The following HAND1 variants were observed in gnomAD, a reference collection of about 807,000 sequenced individuals.
The protein encoded by HAND1 is heart- and neural crest derivatives-expressed protein 1.
In HAND1, 10 loss-of-function variants were observed where a neutral mutation model predicts 14.5. That is an observed-to-expected ratio of 0.69 (90% CI 0.42 to 1.17). The LOEUF (loss-of-function observed/expected upper bound fraction) is 1.17. Among genes scored for constraint, HAND1 ranks in the 50% most tolerant of loss-of-function variants. The pLI, the probability that HAND1 is intolerant of heterozygous loss-of-function variation, is 0.00. For synonymous variants in HAND1, 128 were observed against 127.1 expected, an observed-to-expected ratio of 1.01 and a Z score of -0.05; for missense variants, 299 against 298.4, an observed-to-expected ratio of 1.00 and a Z score of -0.01.
intron 1 of HAND1, 75 bp downstream of exon 1, chr5:154,477,391 T>C: frequency 8.5e-7 from 1 of 1,183,114 alleles, no homozygotes; most frequent in Middle Eastern, 1.9e-4. Context: ...ACAGCCTCCT[T>C]CGACTACCTG....
Position 154,477,946 on chromosome 5 carries a change from G to T in HAND1, c.63C>A (p.Pro21=). The change falls in exon 1 of 2, where the codon CCC becomes CCA. Residue 21 remains proline (P), a synonymous_variant. Transcript: ENST00000231121. Reference sequence around the variant, plus strand: ...CGAAGAGGAAGGGTTCGTGGAGCATGGGGTGCGCAGGGTGCGGGTGGTGAT... The same window carrying T: ...CGAAGAGGAAGGGTTCGTGGAGCATTGGGTGCGCAGGGTGCGGGTGGTGAT... ...HHHHHPHPAH[P]MLHEPFLFGP... 1 of 1,598,524 alleles carries T rather than the reference G, an allele frequency of 6.3e-7. No individual in the cohort carries two copies. Among genetic ancestry groups the T allele is most frequent in the South Asian group, 1.1e-5 (1 of 91,086 alleles).
chr5:154,477,770 T>C lies in HAND1; in HGVS notation c.239A>G (p.Gln80Arg), dbSNP rs201037401. 6.2e-7 allele frequency: 1 copy of C among 1,604,272 alleles called. No homozygotes were observed. Among genetic ancestry groups the C allele is most frequent in the African/African-American group, 1.3e-5 (1 of 74,526 alleles). The change falls in exon 1 of 2, where the codon CAG becomes CGG. Residue 80 changes from glutamine to arginine, a missense_variant. Transcript: ENST00000231121. Reference protein sequence around the residue: ...TAYGPDARPGQSPGRLEALGG... With the variant: ...TAYGPDARPGRSPGRLEALGG... Reference sequence around the variant, plus strand: ...AAGCGCCTCCAGCCGCCCGGGGCTCTGCCCAGGCCTGGCGTCAGGACCATA... The same window carrying C: ...AAGCGCCTCCAGCCGCCCGGGGCTCCGCCCAGGCCTGGCGTCAGGACCATA...
In HAND1 at chr5:154,478,154, G is replaced by A. The variant is rs1422604116; in HGVS notation, c.-146C>T. The stretch of plus-strand genomic sequence containing the variant: ...CCGGGCAAGGCTGAAAATGAGACGC[G>A]CAGCCCACTGTCTTCTTACCGGTTT... On this transcript the variant is annotated 5_prime_UTR_variant, in exon 1 of 2. Coordinates refer to ENST00000231121, the MANE Select transcript of HAND1 (RefSeq NM_004821.3). The surrounding 1 kb of genome is among the most constrained non-coding windows in gnomAD (Gnocchi z 4.5). 7 of 814,210 alleles carry A rather than the reference G, an allele frequency of 8.6e-6. No homozygotes were observed. Among genetic ancestry groups the A allele is most frequent in the Non-Finnish European group, 1.4e-5 (7 of 508,054 alleles). 50.4% of individuals were successfully genotyped at this position (814,210 alleles called of 1,614,324 possible).
In HAND1 at chr5:154,477,906, A is replaced by G; in HGVS notation, c.103T>C (p.Cys35Arg). ...TGGAAGTAGGGCCTTTCCTGATGAC[A>G]GCGCGAGGCCGGACCGAAGAGGAAG... ...EPFLFGPASR[C>R]HQERPYFQSW... Residue 35 changes from cysteine to arginine, a missense_variant, in exon 1 of 2, where the codon TGT (cysteine) becomes CGT (arginine). Coordinates refer to ENST00000231121, the MANE Select transcript of HAND1 (RefSeq NM_004821.3). 6.3e-7 allele frequency: 1 copy of G among 1,599,794 alleles called. No individual in the cohort carries two copies. Among genetic ancestry groups the G allele is most frequent in the Non-Finnish European group, 8.5e-7 (1 of 1,179,848 alleles).
rs1416173325 is a variant in HAND1, at chr5:154,477,952, C to G, written c.57G>C (p.Ala19=). ...GGAAGGGTTCGTGGAGCATGGGGTG[C>G]GCAGGGTGCGGGTGGTGATGGTGGT... ...HHHHHHHPHP[A]HPMLHEPFLF... Residue 19 remains alanine (A), a synonymous_variant, in exon 1 of 2, where the codon GCG becomes GCC. Transcript: ENST00000231121. The G allele has an allele frequency of 5.0e-6, 8 of 1,598,396 alleles. No individual in the cohort carries two copies. Among genetic ancestry groups the G allele is most frequent in the Non-Finnish European group, 6.8e-6 (8 of 1,179,858 alleles).
rs1757529015 is a variant in HAND1 at position 154,475,634 on chromosome 5, G to A, written c.*172C>T. 2 of 635,210 alleles carry A rather than the reference G, an allele frequency of 3.1e-6. No individual in the cohort carries two copies. Among genetic ancestry groups the A allele is most frequent in the East Asian group, 5.5e-5 (2 of 36,472 alleles). The allele number at this position is 635,210 out of a possible 1,614,324, so 39.3% of individuals were successfully genotyped here. A position where few individuals can be genotyped will look rare whatever the true frequency, so the allele number is the denominator to read the frequency against. Reference sequence around the variant, plus strand: ...AAAAAAATCAAAGGACATTGCACGTGCGATCCAAGTGTGTGGTTGCAGCCG... The same window carrying A: ...AAAAAAATCAAAGGACATTGCACGTACGATCCAAGTGTGTGGTTGCAGCCG... On this transcript the variant is annotated 3_prime_UTR_variant, in exon 2 of 2. Coordinates refer to ENST00000231121, the MANE Select transcript of HAND1 (RefSeq NM_004821.3).
In HAND1 at chr5:154,475,640, C is replaced by A; in HGVS notation, c.*166G>T. 1.5e-6 allele frequency: 1 copy of A among 648,794 alleles called. No homozygotes were observed. Among genetic ancestry groups the A allele is most frequent in the Non-Finnish European group, 2.8e-6 (1 of 356,964 alleles). The allele number at this position is 648,794 out of a possible 1,614,324, so 40.2% of individuals were successfully genotyped here. On this transcript the variant is annotated 3_prime_UTR_variant, in exon 2 of 2. Transcript: ENST00000231121. ...ATCAAAGGACATTGCACGTGCGATCCAAGTGTGTGGTTGCAGCCGACGACC... is the reference window on the plus strand; with the variant it reads ...ATCAAAGGACATTGCACGTGCGATCAAAGTGTGTGGTTGCAGCCGACGACC...
At position 154,477,591 on chromosome 5, in the gene HAND1, T is replaced by C. The variant is rs755192128; in HGVS notation, c.418A>G (p.Thr140Ala). 36 of 1,614,238 alleles carry C rather than the reference T, an allele frequency of 2.2e-5. No homozygotes were observed. The highest frequency in any genetic ancestry group is 3.1e-5 in the Non-Finnish European group (36 of 1,180,046). The change falls in exon 1 of 2, where the codon ACC becomes GCC. Residue 140 changes from threonine (T) to alanine (A), a missense_variant. Transcript: ENST00000231121. ...LSKIKTLRLA[T>A]SYIAYLMDVL... is the part of the protein sequence containing the mutation. ...TCCATCAGGTAGGCGATGTAGCTGG[T>C]GGCTAGGCGCAGAGTCTTGATCTTG...
chr5:154,477,377 C>T, intron 1 of HAND1, 89 bp downstream of exon 1: 1 of 1,050,910 alleles, frequency 9.5e-7, no homozygotes, highest in South Asian at 1.3e-5. Context: ...GGACACAGGA[C>T]AACACAGCCT....
intron 1 of HAND1, among the ~76,000 whole-genome samples, chr5:154,476,985 C>T (rs926108842): frequency 2.6e-5 from 4 of 152,196 alleles, no homozygotes; most frequent in African/African-American, 9.7e-5. Flanking sequence ...AGGTGCTTTT[C>T]CTGCCCCGAC....
Position 154,475,371 on chromosome 5 carries a change from G to A in HAND1, c.*435C>T, listed in dbSNP as rs1757523964. 1.2e-5 allele frequency: 2 copies of A among 171,722 alleles called. No homozygotes were observed. Among genetic ancestry groups the A allele is most frequent in the South Asian group, 2.8e-4 (2 of 7,050 alleles). 10.6% of individuals were successfully genotyped at this position (171,722 alleles called of 1,614,324 possible). Reference sequence around the variant, plus strand: ...GGCAGAAAAGAATTGATTCCTTATTGCATTTTAATTAGAGAAGACGGCGTC... The same window carrying A: ...GGCAGAAAAGAATTGATTCCTTATTACATTTTAATTAGAGAAGACGGCGTC... On this transcript the variant is annotated 3_prime_UTR_variant, in exon 2 of 2. Coordinates refer to ENST00000231121, the MANE Select transcript of HAND1 (RefSeq NM_004821.3).
Position 154,478,171 on chromosome 5 carries a change from T to A in HAND1, c.-163A>T. On this transcript the variant is annotated 5_prime_UTR_variant, in exon 1 of 2. Coordinates refer to ENST00000231121, the MANE Select transcript of HAND1 (RefSeq NM_004821.3). This position sits in a 1 kb window ranked among gnomAD's most constrained non-coding sequence, Gnocchi z 4.5. The stretch of plus-strand genomic sequence containing the variant: ...TGAGACGCGCAGCCCACTGTCTTCT[T>A]ACCGGTTTCTGCCGCGGGCGAGGTC... The A allele has an allele frequency of 1.3e-6, 1 of 741,736 alleles. No homozygotes were observed. Among genetic ancestry groups the A allele is most frequent in the African/African-American group, 1.8e-5 (1 of 56,922 alleles). The allele number at this position is 741,736 out of a possible 1,614,324, so 45.9% of individuals were successfully genotyped here. A position where few individuals can be genotyped will look rare whatever the true frequency, so the allele number is the denominator to read the frequency against.
chr5:154,477,562 C>T lies in HAND1; in HGVS notation c.447G>A (p.Val149=), dbSNP rs765762725. 9.5e-5 allele frequency: 153 copies of T among 1,614,132 alleles called. No homozygotes were observed. The highest frequency in any genetic ancestry group is 1.3e-4 in the Non-Finnish European group (150 of 1,180,052). ...ATSYIAYLMD[V]LAKDAQSGDP... is the part of the protein sequence containing the mutation. ...CGCCAGACTGTGCATCCTTGGCCAGCACGTCCATCAGGTAGGCGATGTAGC... is the reference window on the plus strand; with the variant it reads ...CGCCAGACTGTGCATCCTTGGCCAGTACGTCCATCAGGTAGGCGATGTAGC... The change falls in exon 1 of 2, where the codon GTG becomes GTA. Residue 149 remains valine, a synonymous_variant. Transcript: ENST00000231121.
In HAND1 at chr5:154,475,871, C is replaced by G. The variant is rs762914657; in HGVS notation, c.583G>C (p.Glu195Gln). 6.8e-6 allele frequency: 11 copies of G among 1,614,110 alleles called. No homozygotes were observed. The highest frequency in any genetic ancestry group is 9.3e-6 in the Non-Finnish European group (11 of 1,179,968). The change falls in exon 2 of 2, where the codon GAG (glutamate) becomes CAG (glutamine). Residue 195 changes from glutamate to glutamine, a missense_variant. Transcript: ENST00000231121. ...CCGGTGCGTCCTTTAATCCTCTTCT[C>G]GACTGGGCCCAGGGCAGGAGGAAAA... ...EGFPPALGPV[E>Q]KRIKGRTGWP...
chr5:154,475,791 G>C lies in HAND1; in HGVS notation c.*15C>G, dbSNP rs1451098706. 1 of 1,591,510 alleles carries C rather than the reference G, an allele frequency of 6.3e-7. No homozygotes were observed. Among genetic ancestry groups the C allele is most frequent in the African/African-American group, 1.3e-5 (1 of 74,498 alleles). On this transcript the variant is annotated 3_prime_UTR_variant, in exon 2 of 2. Coordinates refer to ENST00000231121, the MANE Select transcript of HAND1 (RefSeq NM_004821.3). ...GAGTGGCTGGCCTGGCCAGGTCCTC[G>C]GCGCGGGCCTCGGCTCACTGGTTTA... is the stretch of plus-strand genomic sequence containing the variant.
At chr5:154,475,936 G>C in intron 1 of HAND1, 26 bp from the exon 2 acceptor site, 5 of 1,570,624 alleles carry the variant, frequency 3.2e-6, no homozygotes, top group Non-Finnish European at 4.4e-6. Flanking sequence ...CAGAAGAAAA[G>C]AGGCGGGAGA....
rs757655487 is a variant in HAND1, at chr5:154,475,893, A to G, written c.561T>C (p.Phe187=). 3.7e-6 allele frequency: 6 copies of G among 1,613,860 alleles called. No individual in the cohort carries two copies. In the Admixed American group the frequency reaches 1.0e-4, roughly 27 times the overall value. Residue 187 remains phenylalanine, a synonymous_variant, in exon 2 of 2, where the codon TTT becomes TTC. Transcript: ENST00000231121. ...RKRELQQHEG[F]PPALGPVEKR... is the part of the protein sequence containing the mutation. ...TCTCGACTGGGCCCAGGGCAGGAGG[A>G]AAACCTTCGTGCTGCTGCTGCCAAA...
chr5:154,478,102 A>G lies in HAND1; in HGVS notation c.-94T>C. The G allele has an allele frequency of 7.0e-7, 1 of 1,429,292 alleles. No homozygotes were observed. Among genetic ancestry groups the G allele is most frequent in the South Asian group, 1.2e-5 (1 of 86,568 alleles). 88.5% of individuals were successfully genotyped at this position (1,429,292 alleles called of 1,614,324 possible). A position where few individuals can be genotyped will look rare whatever the true frequency, so the allele number is the denominator to read the frequency against. The stretch of plus-strand genomic sequence containing the variant: ...GGGGCCACCTGTGGGCTCTGGAGCC[A>G]CTACTGGGCGCCGGCTTTGGGAGAG... On this transcript the variant is annotated 5_prime_UTR_variant, in exon 1 of 2. Coordinates refer to ENST00000231121, the MANE Select transcript of HAND1 (RefSeq NM_004821.3). The surrounding 1 kb of genome is among the most constrained non-coding windows in gnomAD (Gnocchi z 4.5).
At chr5:154,477,127 A>T (rs898957816) in intron 1 of HAND1, among the ~76,000 whole-genome samples, 2 of 152,202 alleles carry the variant, frequency 1.3e-5, no homozygotes, top group African/African-American at 4.8e-5. Flanking sequence ...ACTTTAACAC[A>T]TATTCTTAAC....
Sources: gnomAD v4.1 joint callset for allele counts (sites outside exome capture counted in the v4.1 genomes callset) on GRCh38, gnomAD v4.1.1 for gene constraint, Gnocchi (gnomAD v3.1) non-coding constraint, MANE v1.5 for transcripts, NCBI Gene and HGNC (gene_info 2026-07-23, HGNC 2026-07-21) for gene names.